The following PABPC4L variants were observed in gnomAD, a reference collection of about 807,000 sequenced individuals.
The protein encoded by PABPC4L is polyadenylate-binding protein 4-like.
For missense variants in PABPC4L, 452 were observed against 451.4 expected (o/e 1.00, Z -0.01); for synonymous variants, 169 against 164.1 (o/e 1.03, Z -0.23).
chr4:134,141,528 T>A, the PABPC4L span, among the ~76,000 whole-genome samples: 1 of 150,384 alleles, frequency 6.6e-6, no homozygotes, highest in Non-Finnish European at 1.5e-5. Flanking sequence ...AATATTTTAA[T>A]GTCTGGTGAA....
the PABPC4L span, among the ~76,000 whole-genome samples, chr4:133,982,332 C>T: frequency 2.6e-5 from 4 of 151,938 alleles, no homozygotes; most frequent in Non-Finnish European, 4.4e-5. Context: ...ACATCTACTC[C>T]TCATGACCTT....
chr4:134,089,254 T>A, the PABPC4L span, among the ~76,000 whole-genome samples: 2 of 152,130 alleles, frequency 1.3e-5, no homozygotes, highest in Admixed American at 6.5e-5. Context: ...AGTTCTTTTT[T>A]AATAGTATTT....
At chr4:134,076,717 A>T in the PABPC4L span, among the ~76,000 whole-genome samples, 1 of 152,150 alleles carries the variant, frequency 6.6e-6, no homozygotes, top group African/African-American at 2.4e-5. Context: ...CAGGTAAGCA[A>T]CTGAGCATGT....
the PABPC4L span, among the ~76,000 whole-genome samples, chr4:133,994,169 C>A: frequency 6.6e-6 from 1 of 152,180 alleles, no homozygotes; most frequent in East Asian, 1.9e-4. Flanking sequence ...CTTTGCCAGA[C>A]CTTTTGGGAA....
chr4:134,141,640 C>A, the PABPC4L span, among the ~76,000 whole-genome samples: 1 of 151,436 alleles, frequency 6.6e-6, no homozygotes, highest in African/African-American at 2.4e-5. Flanking sequence ...AGCTATTAAG[C>A]CTTATTCATT....
the PABPC4L span, among the ~76,000 whole-genome samples, chr4:134,189,567 ATGTG>A: frequency 6.6e-6 from 1 of 151,400 alleles, no homozygotes; most frequent in Non-Finnish European, 1.5e-5. Context: ...CACATATATA[ATGTG>A]TGTGTGTGTG....
chr4:134,127,281 C>T, the PABPC4L span, among the ~76,000 whole-genome samples: 1 of 152,024 alleles, frequency 6.6e-6, no homozygotes, highest in Non-Finnish European at 1.5e-5. Context: ...AAGCTTGTAT[C>T]TTCCCTATAC....
the PABPC4L span, among the ~76,000 whole-genome samples, chr4:134,152,480 G>A: frequency 6.6e-6 from 1 of 151,988 alleles, no homozygotes; most frequent in South Asian, 2.1e-4. Context: ...TGTCTACAGT[G>A]GTTCTGCCTC....
the PABPC4L span, among the ~76,000 whole-genome samples, chr4:133,951,090 TTTTG>T: frequency 5.3e-5 from 8 of 152,260 alleles, no homozygotes; most frequent in Non-Finnish European, 8.8e-5. Context: ...TGTTTTTTAT[TTTTG>T]TTTGTTTGTT....
chr4:134,187,837 T>C, the PABPC4L span, among the ~76,000 whole-genome samples: 1 of 152,172 alleles, frequency 6.6e-6, no homozygotes, highest in Admixed American at 6.6e-5. Flanking sequence ...AGTGAGTTTC[T>C]TGTATACAAG....
At chr4:134,058,851 T>C in the PABPC4L span, among the ~76,000 whole-genome samples, 1 of 151,994 alleles carries the variant, frequency 6.6e-6, no homozygotes, top group Non-Finnish European at 1.5e-5. Context: ...GCAGAGAGCA[T>C]GACAACAGAT....
At chr4:134,138,585 A>G in the PABPC4L span, among the ~76,000 whole-genome samples, 1 of 151,698 alleles carries the variant, frequency 6.6e-6, no homozygotes, top group African/African-American at 2.4e-5. Flanking sequence ...GTGGTAGGGG[A>G]TCTAGAATTC....
chr4:134,118,622 A>T, the PABPC4L span, among the ~76,000 whole-genome samples: 1 of 151,792 alleles, frequency 6.6e-6, no homozygotes, highest in Non-Finnish European at 1.5e-5. Context: ...AAAAAAATCA[A>T]TTTTCCCTTA....
chr4:134,064,201 G>T, the PABPC4L span, among the ~76,000 whole-genome samples: 7 of 152,012 alleles, frequency 4.6e-5, no homozygotes, highest in South Asian at 2.1e-4. Context: ...CAGATTAGAA[G>T]TTGCCCTTGT....
chr4:133,977,387 G>A, the PABPC4L span, among the ~76,000 whole-genome samples: 1 of 152,040 alleles, frequency 6.6e-6, no homozygotes, highest in African/African-American at 2.4e-5. Flanking sequence ...GATTGTCTTG[G>A]CTATATGAGC....
At chr4:134,134,835 C>A in the PABPC4L span, among the ~76,000 whole-genome samples, 1 of 151,586 alleles carries the variant, frequency 6.6e-6, no homozygotes, top group East Asian at 1.9e-4. Flanking sequence ...CTTCAATTTC[C>A]TGCTGGAAAC....
At chr4:134,095,787 G>T in the PABPC4L span, among the ~76,000 whole-genome samples, 1 of 151,856 alleles carries the variant, frequency 6.6e-6, no homozygotes, top group East Asian at 1.9e-4. Context: ...CTATCTTAAG[G>T]TTTTCCATTT....
chr4:133,971,783 T>G, the PABPC4L span, among the ~76,000 whole-genome samples: 8 of 152,232 alleles, frequency 5.3e-5, no homozygotes, highest in African/African-American at 1.7e-4. Flanking sequence ...CTTTTCATTA[T>G]GAACAGCATG....
At chr4:134,074,223 C>T in the PABPC4L span, among the ~76,000 whole-genome samples, 1 of 152,176 alleles carries the variant, frequency 6.6e-6, no homozygotes, top group East Asian at 1.9e-4. Flanking sequence ...TCGTCTCTCT[C>T]AATTTCAAAG....
Sources: gnomAD v4.1 joint callset for allele counts (sites outside exome capture counted in the v4.1 genomes callset) on GRCh38, gnomAD v4.1.1 for gene constraint, MANE v1.5 for transcripts, NCBI Gene and HGNC (gene_info 2026-07-23, HGNC 2026-07-21) for gene names.